The following ERC2 variants were observed in gnomAD, a reference collection of about 807,000 sequenced individuals.
The protein encoded by ERC2 is ELKS/RAB6-interacting/CAST family member 2.
ERC2 carries 42 observed loss-of-function variants against 114.8 expected under a neutral mutation model. The ratio of observed to expected loss-of-function variants is 0.37; its 90% CI spans 0.29 to 0.47. The LOEUF (loss-of-function observed/expected upper bound fraction) is 0.47, where lower values mean the gene tolerates loss of function less well. Ranked by LOEUF, ERC2 falls within the 20% of genes least tolerant of loss-of-function variation. The pLI is 0.99. For missense variants in ERC2, 939 were observed against 1,150.7 expected (o/e 0.82, Z 2.66); for synonymous variants, 454 against 425.5 (o/e 1.07, Z -0.82).
intron 2 of ERC2, among the ~76,000 whole-genome samples, chr3:56,397,987 C>T (rs1034055016): frequency 3.3e-5 from 5 of 152,164 alleles, no homozygotes; most frequent in Non-Finnish European, 5.9e-5. Flanking sequence ...GTATACTACG[C>T]ATACTTACAT....
chr3:56,405,269 C>T (rs2060670831), intron 2 of ERC2, among the ~76,000 whole-genome samples: 1 of 152,080 alleles, frequency 6.6e-6, no homozygotes, highest in Non-Finnish European at 1.5e-5. Context: ...CATAGTGCAA[C>T]CTTATCTCTA....
chr3:55,769,113 G>A (rs910828065), intron 14 of ERC2, among the ~76,000 whole-genome samples: 3 of 152,114 alleles, frequency 2.0e-5, no homozygotes, highest in South Asian at 2.1e-4. Context: ...CTGCTATCTC[G>A]CTTGGAGGCC....
chr3:56,331,427 C>T (rs565479274), intron 2 of ERC2, among the ~76,000 whole-genome samples: 1 of 152,264 alleles, frequency 6.6e-6, no homozygotes, highest in South Asian at 2.1e-4. Flanking sequence ...ATCTCTCTCC[C>T]CCATTACAAT....
At chr3:55,531,559 C>T (rs185544467) in intron 17 of ERC2, among the ~76,000 whole-genome samples, 20 of 152,254 alleles carry the variant, frequency 1.3e-4, no homozygotes, top group African/African-American at 4.8e-4. Context: ...ACAGAGAAGT[C>T]CCCAAAGATT....
intron 2 of ERC2, among the ~76,000 whole-genome samples, chr3:56,367,619 G>C (rs2059198640): frequency 6.6e-6 from 1 of 152,234 alleles, no homozygotes; most frequent in African/African-American, 2.4e-5. Flanking sequence ...GCTGAATGAA[G>C]AGCTAGCAAC....
At chr3:56,062,550 CA>C (rs1378915695) in intron 7 of ERC2, among the ~76,000 whole-genome samples, 1 of 152,148 alleles carries the variant, frequency 6.6e-6, no homozygotes, top group African/African-American at 2.4e-5. Flanking sequence ...AATAATGATA[CA>C]AGGCCCTTTT....
At chr3:55,957,596 T>A (rs1237953743) in intron 12 of ERC2, among the ~76,000 whole-genome samples, 1 of 152,184 alleles carries the variant, frequency 6.6e-6, no homozygotes, top group Admixed American at 6.5e-5. Flanking sequence ...CCCAGCAGGC[T>A]GTGCTCGGCT....
chr3:55,778,998 T>C (rs754006699), intron 14 of ERC2, among the ~76,000 whole-genome samples: 33 of 151,776 alleles, frequency 2.2e-4, no homozygotes, highest in Non-Finnish European at 4.1e-4. Flanking sequence ...AAATGGACAA[T>C]ACTCTAGCAA....
intron 14 of ERC2, among the ~76,000 whole-genome samples, chr3:55,873,959 T>C (rs1171122489): frequency 6.6e-6 from 1 of 152,234 alleles, no homozygotes; most frequent in Non-Finnish European, 1.5e-5. Context: ...AATATTTGTT[T>C]ATTCTCTCAA....
intron 17 of ERC2, among the ~76,000 whole-genome samples, chr3:55,567,412 GGACATGGAAGTCCTCATAA>G (rs1186938061): frequency 6.6e-6 from 1 of 152,186 alleles, no homozygotes; most frequent in Admixed American, 6.5e-5. Flanking sequence ...GTACCTTATG[GGACATGGAAGTCCTCATAA>G]GTCATTTGGA....
intron 1 of ERC2, among the ~76,000 whole-genome samples, chr3:56,451,933 A>G (rs1434418759): frequency 6.6e-6 from 1 of 152,198 alleles, no homozygotes; most frequent in Non-Finnish European, 1.5e-5. Context: ...TGGGAGTGAT[A>G]GAGTGTGGTC....
intron 7 of ERC2, among the ~76,000 whole-genome samples, chr3:56,061,729 A>G (rs2076253585): frequency 6.6e-6 from 1 of 152,226 alleles, no homozygotes; most frequent in Admixed American, 6.5e-5. Context: ...ATAGCAAATA[A>G]CATATATTTC....
intron 14 of ERC2, among the ~76,000 whole-genome samples, chr3:55,862,509 G>C (rs111978167): frequency 1.3e-5 from 2 of 152,210 alleles, no homozygotes; most frequent in African/African-American, 4.8e-5. Flanking sequence ...AACTAGGATG[G>C]CCTAGTTTAT....
intron 14 of ERC2, among the ~76,000 whole-genome samples, chr3:55,759,157 C>T (rs1003593784): frequency 3.3e-5 from 5 of 152,064 alleles, no homozygotes; most frequent in Admixed American, 1.3e-4. Flanking sequence ...CCTTTTGTAC[C>T]AATCCAACAG....
intron 14 of ERC2, among the ~76,000 whole-genome samples, chr3:55,886,274 C>CA (rs982252136): frequency 1.3e-5 from 2 of 151,862 alleles, no homozygotes; most frequent in Middle Eastern, 3.2e-3. Context: ...AAGTAAAATG[C>CA]AAAAAACATC....
chr3:56,048,015 T>C (rs373045161), intron 7 of ERC2, among the ~76,000 whole-genome samples: 1 of 152,232 alleles, frequency 6.6e-6, no homozygotes, highest in South Asian at 2.1e-4. Flanking sequence ...AATCCCTATG[T>C]AGTACCCCAA....
At chr3:56,173,398 C>G (rs2082786523) in intron 4 of ERC2, 48 bp downstream of exon 4, 1 of 1,567,348 alleles carries the variant, frequency 6.4e-7, no homozygotes, top group South Asian at 1.1e-5. Flanking sequence ...CAAGTTAGAA[C>G]AAACTCCCAA....
chr3:56,328,997 G>A (rs1367258045), intron 2 of ERC2, among the ~76,000 whole-genome samples: 2 of 152,238 alleles, frequency 1.3e-5, no homozygotes, highest in African/African-American at 4.8e-5. Flanking sequence ...TAGTAGAACA[G>A]TAGAGCAAGG....
intron 3 of ERC2, among the ~76,000 whole-genome samples, chr3:56,254,919 T>C (rs2052415484): frequency 6.6e-6 from 1 of 152,208 alleles, no homozygotes; most frequent in African/African-American, 2.4e-5. Context: ...AAGAAGATAA[T>C]AATTTAGCTA....
Sources: allele counts gnomAD v4.1 joint callset (sites outside exome capture counted in the v4.1 genomes callset), GRCh38; gene constraint gnomAD v4.1.1; transcripts MANE v1.5; gene names NCBI Gene and HGNC (gene_info 2026-07-23, HGNC 2026-07-21).